PCARE: variants seen among roughly 807,000 people sequenced by gnomAD.
PCARE encodes the protein uncharacterized protein C2orf71.
A neutral mutation model predicts 82.2 loss-of-function variants in PCARE; 72 were observed. The observed-to-expected ratio is 0.88, with a 90% CI of 0.72 to 1.07. The LOEUF (loss-of-function observed/expected upper bound fraction) is 1.07, where lower values mean the gene tolerates loss of function less well. Among genes scored for constraint, PCARE ranks in the 50% least tolerant of loss-of-function variants. The probability of loss-of-function intolerance (pLI) is 0.00; values close to 1 mark genes in which losing one functional copy is unlikely to be tolerated. For synonymous variants in PCARE, 705 were observed against 634.8 expected (o/e 1.11, Z -1.66); for missense variants, 1,768 against 1,592.4 (o/e 1.11, Z -1.88).
chr2:29,070,878 G>A lies in PCARE; in HGVS notation c.3384C>T (p.Ser1128=), dbSNP rs936533368. ...NTHSIFCPAT[S]SLFEAKPPLS... is the part of the protein sequence containing the mutation. Reference sequence around the variant, plus strand: ...GTGGCGGTTTAGCTTCAAACAGAGAGGAGGTAGCTGGGCAGAATATGGAAT... The same window carrying A: ...GTGGCGGTTTAGCTTCAAACAGAGAAGAGGTAGCTGGGCAGAATATGGAAT... The change falls in exon 1 of 2, where the codon TCC becomes TCT. Residue 1128 remains serine, a synonymous_variant. Coordinates refer to ENST00000331664, the MANE Select transcript of PCARE (RefSeq NM_001029883.3). The A allele has an allele frequency of 6.2e-7, 1 of 1,613,802 alleles. No homozygotes were observed. Among genetic ancestry groups the A allele is most frequent in the Non-Finnish European group, 8.5e-7 (1 of 1,180,042 alleles).
intron 1 of PCARE, among the ~76,000 whole-genome samples, chr2:29,068,946 C>T (rs1290428356): frequency 1.3e-5 from 2 of 152,152 alleles, no homozygotes; most frequent in African/African-American, 4.8e-5. Context: ...CTGGGGGCCC[C>T]TGGTTATTCC....
chr2:29,066,544 C>T (rs1667392444), intron 1 of PCARE, among the ~76,000 whole-genome samples: 2 of 152,222 alleles, frequency 1.3e-5, no homozygotes, highest in South Asian at 2.1e-4. Context: ...GTCAGGCTTA[C>T]ATGGGATGCC....
Position 29,064,584 on chromosome 2 carries a change from A to C in PCARE, c.*285T>G. The C allele has an allele frequency of 1.8e-6, 1 of 557,864 alleles. No homozygotes were observed. 34.6% of individuals were successfully genotyped at this position (557,864 alleles called of 1,614,324 possible). The stretch of plus-strand genomic sequence containing the variant: ...TGCAACTATACATTCTCCACCCCCC[A>C]CCCCACCCCAAATTAAGGCCAGCAC... On this transcript the variant is annotated 3_prime_UTR_variant, in exon 2 of 2. Coordinates refer to ENST00000331664, the MANE Select transcript of PCARE (RefSeq NM_001029883.3).
chr2:29,070,745 C>G lies in PCARE; in HGVS notation c.3517G>C (p.Ala1173Pro). 1 of 1,614,160 alleles carries G rather than the reference C, an allele frequency of 6.2e-7. No individual in the cohort carries two copies. The highest frequency in any genetic ancestry group is 1.3e-5 in the African/African-American group (1 of 75,050). Reference protein sequence around the residue: ...WKNSSGPWLRADSQRRAALCA... With the variant: ...WKNSSGPWLRPDSQRRAALCA... ...AGAGCTGCTCTCCGCTGCGAGTCTG[C>G]TCTCAGCCAAGGCCCTGAGCTGTTC... Residue 1173 changes from alanine (A) to proline (P), a missense_variant, in exon 1 of 2, where the codon GCA becomes CCA. Ala to Pro is a conservative substitution (Grantham distance 27). Transcript: ENST00000331664.
At chr2:29,069,945 C>A (rs928645313) in intron 1 of PCARE, among the ~76,000 whole-genome samples, 16 of 152,092 alleles carry the variant, frequency 1.1e-4, no homozygotes, top group Non-Finnish European at 1.5e-5. Flanking sequence ...CTGCGGGGAA[C>A]CAGAAACATG....
Position 29,072,831 on chromosome 2 carries a change from G to A in PCARE, c.1431C>T (p.Asp477=), listed in dbSNP as rs369775812. 2.0e-5 allele frequency: 32 copies of A among 1,614,158 alleles called. No individual in the cohort carries two copies. Among genetic ancestry groups the A allele is most frequent in the Middle Eastern group, 1.6e-4 (1 of 6,062 alleles). Residue 477 remains aspartate (D), a synonymous_variant, in exon 1 of 2, where the codon GAC becomes GAT. Coordinates refer to ENST00000331664, the MANE Select transcript of PCARE (RefSeq NM_001029883.3). ...CCTCGCTGTCACTAAGAGATGAAGCGTCCATCGGCCTGGAGGTTTTGGAAA... is the reference window on the plus strand; with the variant it reads ...CCTCGCTGTCACTAAGAGATGAAGCATCCATCGGCCTGGAGGTTTTGGAAA... ...PHLSKTSRPM[D]ASSLSDSEDS...
chr2:29,064,945 T>C lies in PCARE; in HGVS notation c.3791A>G (p.Gln1264Arg), dbSNP rs1667369487. Reference protein sequence around the residue: ...PEFCVLGHGLQPEPRTGHIQD... With the variant: ...PEFCVLGHGLRPEPRTGHIQD... ...GATGTGGCCGGTCCGAGGCTCCGGTTGCAGCCCGTGGCCCAGCACACAGAA... is the reference window on the plus strand; with the variant it reads ...GATGTGGCCGGTCCGAGGCTCCGGTCGCAGCCCGTGGCCCAGCACACAGAA... The change falls in exon 2 of 2, where the codon CAA becomes CGA. Residue 1264 changes from glutamine to arginine, a missense_variant. Physicochemically the swap from Gln to Arg is conservative, Grantham distance 43. Transcript: ENST00000331664. 3 of 1,608,622 alleles carry C rather than the reference T, an allele frequency of 1.9e-6. No homozygotes were observed. The highest frequency in any genetic ancestry group is 2.5e-6 in the Non-Finnish European group (3 of 1,178,056).
Position 29,062,344 on chromosome 2 carries a change from C to T in PCARE, c.*2525G>A, listed in dbSNP as rs7607027. ...CTGGCACACGTTGGCCCCAAGCAAA[C>T]GTGGAGGTCCTCCAGAGGGACAAGG... On this transcript the variant is annotated 3_prime_UTR_variant, in exon 2 of 2. Transcript: ENST00000331664. 0.49 allele frequency: 74,211 copies of T among 152,140 alleles called. 18,609 individuals are homozygous for T. The highest frequency in any genetic ancestry group is 0.76 in the East Asian group (3,922 of 5,160). The allele number at this position is 152,140 out of a possible 1,614,324, so 9.4% of individuals were successfully genotyped here.
In PCARE at chr2:29,074,038, C is replaced by G; in HGVS notation, c.224G>C (p.Cys75Ser). The G allele has an allele frequency of 6.2e-7, 1 of 1,614,206 alleles. No individual in the cohort carries two copies. The highest frequency in any genetic ancestry group is 1.1e-5 in the South Asian group (1 of 91,084). ...TGAAGCAGGATCTCCCATGAGCTGA[C>G]AAAGACCTTTAGCTGTGGTTTGGTT... ...RRNQTTAKGL[C>S]QLMGDPASGK... Residue 75 changes from cysteine to serine, a missense_variant, in exon 1 of 2, where the codon TGT becomes TCT. By Grantham distance (112) the Cys-to-Ser change is moderately radical. Transcript: ENST00000331664.
At position 29,062,827 on chromosome 2, in the gene PCARE, C is replaced by A. The variant is rs1054821753; in HGVS notation, c.*2042G>T. 6.6e-6 allele frequency: 1 copy of A among 152,174 alleles called. No homozygotes were observed. The highest frequency in any genetic ancestry group is 1.5e-5 in the Non-Finnish European group (1 of 68,036). 9.4% of individuals were successfully genotyped at this position (152,174 alleles called of 1,614,324 possible). Reference sequence around the variant, plus strand: ...ATGTGTATAATTCCTGGGGTTCCACCCCTCATGGTACCCCAGTTTCACCCA... The same window carrying A: ...ATGTGTATAATTCCTGGGGTTCCACACCTCATGGTACCCCAGTTTCACCCA... On this transcript the variant is annotated 3_prime_UTR_variant, in exon 2 of 2. Transcript: ENST00000331664.
chr2:29,069,610 A>G (rs909177235), intron 1 of PCARE, among the ~76,000 whole-genome samples: 8 of 152,162 alleles, frequency 5.3e-5, no homozygotes, highest in Admixed American at 2.0e-4. Flanking sequence ...TGATGAAACT[A>G]TCTGTACAAT....
Position 29,071,828 on chromosome 2 carries a change from C to T in PCARE, c.2434G>A (p.Glu812Lys), listed in dbSNP as rs201791642. The T allele has an allele frequency of 1.1e-5, 17 of 1,614,118 alleles. No individual in the cohort carries two copies. The highest frequency in any genetic ancestry group is 1.4e-5 in the Non-Finnish European group (16 of 1,180,032). Residue 812 changes from glutamate to lysine, a missense_variant, in exon 1 of 2, where the codon GAA becomes AAA. Coordinates refer to ENST00000331664, the MANE Select transcript of PCARE (RefSeq NM_001029883.3). Reference protein sequence around the residue: ...APIFPPLPKAEAAKSEELSCE... With the variant: ...APIFPPLPKAKAAKSEELSCE... ...CTGAGCTCCTCACTCTTGGCTGCTT[C>T]TGCTTTAGGCAGAGGGGGAAAGATA...
chr2:29,072,079 C>T lies in PCARE; in HGVS notation c.2183G>A (p.Arg728Lys). The T allele has an allele frequency of 1.9e-6, 3 of 1,614,230 alleles. No individual in the cohort carries two copies. The highest frequency in any genetic ancestry group is 2.5e-6 in the Non-Finnish European group (3 of 1,180,058). Residue 728 changes from arginine to lysine, a missense_variant, in exon 1 of 2, where the codon AGA becomes AAA. Coordinates refer to ENST00000331664, the MANE Select transcript of PCARE (RefSeq NM_001029883.3). ...TTCAATAAGCTTCTTGACGGATGTTCTGGTGGGACAGCCTCTGACATTCCA... is the reference window on the plus strand; with the variant it reads ...TTCAATAAGCTTCTTGACGGATGTTTTGGTGGGACAGCCTCTGACATTCCA... Reference protein sequence around the residue: ...TDWNVRGCPTRTSVKKLIETF... With the variant: ...TDWNVRGCPTKTSVKKLIETF...
Position 29,072,746 on chromosome 2 carries a change from G to T in PCARE, c.1516C>A (p.Gln506Lys). ...KMSSMSLCAW[Q>K]EKTPHSRPQS... is the part of the protein sequence containing the mutation. ...GGCCTTGAATGTGGAGTTTTTTCCT[G>T]CCAGGCACACAGACTCATGCTGCTC... Residue 506 changes from glutamine to lysine, a missense_variant, in exon 1 of 2, where the codon CAG becomes AAG. Transcript: ENST00000331664. 2 of 1,614,004 alleles carry T rather than the reference G, an allele frequency of 1.2e-6. No individual in the cohort carries two copies. Among genetic ancestry groups the T allele is most frequent in the Non-Finnish European group, 1.7e-6 (2 of 1,180,014 alleles).
At position 29,073,249 on chromosome 2, in the gene PCARE, G is replaced by C. The variant is rs1205256009; in HGVS notation, c.1013C>G (p.Pro338Arg). The C allele has an allele frequency of 1.2e-6, 2 of 1,613,884 alleles. No homozygotes were observed. Residue 338 changes from proline (P) to arginine (R), a missense_variant, in exon 1 of 2, where the codon CCT becomes CGT. Coordinates refer to ENST00000331664, the MANE Select transcript of PCARE (RefSeq NM_001029883.3). ...LESLASGCGD[P>R]GVQGLPLCSE... is the part of the protein sequence containing the mutation. ...GCATAAGGGGAGACCCTGCACCCCAGGGTCGCCACAGCCACTCGCCAGGCT... is the reference window on the plus strand; with the variant it reads ...GCATAAGGGGAGACCCTGCACCCCACGGTCGCCACAGCCACTCGCCAGGCT...
rs770943498 is a variant in PCARE, at chr2:29,071,443, G to T, written c.2819C>A (p.Thr940Asn). Residue 940 changes from threonine to asparagine, a missense_variant, in exon 1 of 2, where the codon ACT becomes AAT. Coordinates refer to ENST00000331664, the MANE Select transcript of PCARE (RefSeq NM_001029883.3). ...TSQSPEVKGGTWSQAEKATSL... is the reference protein window; with the variant it reads ...TSQSPEVKGGNWSQAEKATSL... ...GGTGGCCTTCTCTGCCTGACTCCAA[G>T]TCCCACCCTTCACCTCGGGGCTTTG... 4 of 1,613,118 alleles carry T rather than the reference G, an allele frequency of 2.5e-6. No homozygotes were observed. Among genetic ancestry groups the T allele is most frequent in the Non-Finnish European group, 3.4e-6 (4 of 1,179,992 alleles).
Position 29,072,021 on chromosome 2 carries a change from C to G in PCARE, c.2241G>C (p.Leu747=). 6.2e-7 allele frequency: 1 copy of G among 1,614,110 alleles called. No homozygotes were observed. Residue 747 remains leucine, a synonymous_variant, in exon 1 of 2, where the codon CTG becomes CTC. Coordinates refer to ENST00000331664, the MANE Select transcript of PCARE (RefSeq NM_001029883.3). ...TFSPTESLRM[L]GDSKDAGASP... is the part of the protein sequence containing the mutation. ...TTGCCCCAGCGTCCTTAGAGTCCCCCAGCATCCTCAGACTCTCCGTGGGAC... is the reference window on the plus strand; with the variant it reads ...TTGCCCCAGCGTCCTTAGAGTCCCCGAGCATCCTCAGACTCTCCGTGGGAC...
In PCARE at chr2:29,071,781, G is replaced by A. The variant is rs780530708; in HGVS notation, c.2481C>T (p.Leu827=). 6 of 1,613,616 alleles carry A rather than the reference G, an allele frequency of 3.7e-6. No homozygotes were observed. The highest frequency in any genetic ancestry group is 1.7e-5 in the Admixed American group (1 of 60,020). ...EELSCEMEGN[L]EHLPPPPMEV... is the part of the protein sequence containing the mutation. ...CCATAGGCGGTGGAGGGAGGTGCTC[G>A]AGGTTCCCCTCCATTTCACAGCTGA... Residue 827 remains leucine, a synonymous_variant, in exon 1 of 2, where the codon CTC becomes CTT. Transcript: ENST00000331664.
intron 1 of PCARE, among the ~76,000 whole-genome samples, chr2:29,068,846 AGAG>A (rs924580584): frequency 4.6e-5 from 7 of 152,238 alleles, no homozygotes; most frequent in African/African-American, 1.7e-4. Context: ...TTTTGAAGTT[AGAG>A]GAGAAGTGGA....
Sources: allele counts gnomAD v4.1 joint callset (sites outside exome capture counted in the v4.1 genomes callset), GRCh38; gene constraint gnomAD v4.1.1; transcripts MANE v1.5; gene names NCBI Gene and HGNC (gene_info 2026-07-23, HGNC 2026-07-21).